Variants in DLG2 observed in about 807,000 individuals in gnomAD.
DLG2 encodes the protein discs large MAGUK scaffold protein 2, also known as disks large homolog 2.
Under a neutral mutation model 132.5 loss-of-function variants are expected in DLG2, and 45 were observed. The observed-to-expected ratio is 0.34, with a 90% CI of 0.27 to 0.44. DLG2 has a LOEUF of 0.44. Among genes scored for constraint, DLG2 ranks in the 20% least tolerant of loss-of-function variants. DLG2 has a pLI of 1.00. For synonymous variants in DLG2, 424 were observed against 419.6 expected (o/e 1.01, Z -0.13); for missense variants, 1,045 against 1,196.9 (o/e 0.87, Z 1.87).
intron 3 of DLG2, among the ~76,000 whole-genome samples, chr11:85,380,525 T>G (rs1158521826): frequency 1.3e-5 from 2 of 152,170 alleles, no homozygotes; most frequent in Non-Finnish European, 2.9e-5. Context: ...CTGGGCGTGG[T>G]GGCACATGCC....
intron 11 of DLG2, among the ~76,000 whole-genome samples, chr11:83,985,588 A>G (rs1431577808): frequency 6.6e-6 from 1 of 151,992 alleles, no homozygotes; most frequent in Non-Finnish European, 1.5e-5. Flanking sequence ...GCTCCCACTT[A>G]CAAGTGACAA....
chr11:85,037,971 T>C (rs569163121), intron 6 of DLG2, among the ~76,000 whole-genome samples: 57 of 152,214 alleles, frequency 3.7e-4, no homozygotes, highest in African/African-American at 1.3e-3. Flanking sequence ...CAAACATACA[T>C]GAAACAAAAC....
intron 3 of DLG2, among the ~76,000 whole-genome samples, chr11:85,338,906 G>A (rs947792406): frequency 6.6e-6 from 1 of 151,696 alleles, no homozygotes; most frequent in Non-Finnish European, 1.5e-5. Context: ...GGGTTTCACC[G>A]TGGTCTCAAT....
chr11:83,857,411 T>C (rs541454856), intron 16 of DLG2, among the ~76,000 whole-genome samples: 38 of 152,328 alleles, frequency 2.5e-4, no homozygotes, highest in African/African-American at 8.9e-4. Flanking sequence ...TTGGGAAGTA[T>C]TGCTGTTTTA....
chr11:84,936,308 T>C (rs1566447021), intron 6 of DLG2, among the ~76,000 whole-genome samples: 1 of 152,198 alleles, frequency 6.6e-6, no homozygotes, highest in Non-Finnish European at 1.5e-5. Context: ...CTAAAGTATT[T>C]TGTAGTCCTA....
At chr11:85,570,408 G>A (rs145407918) in intron 3 of DLG2, among the ~76,000 whole-genome samples, 7 of 152,268 alleles carry the variant, frequency 4.6e-5, no homozygotes, top group African/African-American at 1.7e-4. Context: ...GGTCCACTTG[G>A]TTTACAGTGT....
intron 6 of DLG2, among the ~76,000 whole-genome samples, chr11:84,730,337 T>G (rs1019833122): frequency 1.3e-5 from 2 of 152,036 alleles, no homozygotes; most frequent in Non-Finnish European, 2.9e-5. Context: ...AAATGCCACA[T>G]GTAAAAGTAC....
chr11:84,657,781 C>A (rs2099689979), intron 6 of DLG2, among the ~76,000 whole-genome samples: 1 of 152,190 alleles, frequency 6.6e-6, no homozygotes, highest in Admixed American at 6.6e-5. Context: ...CATTAGGCCA[C>A]ACTCAACTGC....
At chr11:85,485,639 G>A (rs1370176084) in intron 3 of DLG2, among the ~76,000 whole-genome samples, 1 of 152,180 alleles carries the variant, frequency 6.6e-6, no homozygotes, top group Non-Finnish European at 1.5e-5. Flanking sequence ...CCTGGATGCA[G>A]GGAAAGGGTA....
chr11:84,784,251 T>C (rs1176734269), intron 6 of DLG2, among the ~76,000 whole-genome samples: 1 of 132,042 alleles, frequency 7.6e-6, no homozygotes, highest in African/African-American at 2.9e-5. Flanking sequence ...TCCCGGGTGG[T>C]GGAGGTTTCA....
At chr11:85,437,086 T>C (rs1313031489) in intron 3 of DLG2, among the ~76,000 whole-genome samples, 1 of 151,848 alleles carries the variant, frequency 6.6e-6, no homozygotes, top group Admixed American at 6.6e-5. Flanking sequence ...CACTCATAAG[T>C]GGGAGTTGAA....
intron 7 of DLG2, among the ~76,000 whole-genome samples, chr11:84,458,138 T>A (rs2099070356): frequency 6.6e-6 from 1 of 150,846 alleles, no homozygotes; most frequent in South Asian, 2.1e-4. Flanking sequence ...TAAGAAATTG[T>A]ACACCATCTA....
chr11:84,278,047 GTTTT>G (rs55650627), intron 7 of DLG2, among the ~76,000 whole-genome samples: 65 of 99,604 alleles, frequency 6.5e-4, no homozygotes, highest in Middle Eastern at 6.6e-3. Flanking sequence ...GCCTGGCTAA[GTTTT>G]TTTTTTTTTT....
intron 7 of DLG2, among the ~76,000 whole-genome samples, chr11:84,429,064 T>C (rs2098976054): frequency 6.6e-6 from 1 of 152,142 alleles, no homozygotes. Flanking sequence ...AAAAAGGCAT[T>C]TGAAAAAGAA....
At chr11:85,280,146 A>G (rs1292659525) in intron 4 of DLG2, among the ~76,000 whole-genome samples, 2 of 151,944 alleles carry the variant, frequency 1.3e-5, no homozygotes, top group African/African-American at 4.8e-5. Flanking sequence ...ATTCTCCCTG[A>G]CATATAGTTT....
intron 4 of DLG2, among the ~76,000 whole-genome samples, chr11:85,182,115 A>G (rs1186962336): frequency 6.6e-6 from 1 of 151,956 alleles, no homozygotes; most frequent in Admixed American, 6.6e-5. Context: ...TTTTGTCTCT[A>G]ATGTCCTAGG....
chr11:84,974,534 T>C (rs2054587953), intron 6 of DLG2, among the ~76,000 whole-genome samples: 1 of 152,194 alleles, frequency 6.6e-6, no homozygotes, highest in Admixed American at 6.5e-5. Context: ...CAGTGAGGCC[T>C]TCAGAAGTGT....
Position 84,791,970 on chromosome 11 carries a change from C to T in DLG2, c.358-257239G>A, listed in dbSNP as rs543729833. Among the ~76,000 whole-genome samples the T allele has an allele frequency of 3.3e-5, 5 of 152,140 alleles. No homozygotes were observed. In the South Asian group the frequency reaches 1.0e-3, roughly 32 times the overall value. On this transcript the variant is annotated intron_variant, in intron 6 of 27. Transcript: ENST00000376104. ...GTAGCTAAGGAGTTCCAGTACTATG[C>T]TGAATAACAGTGATGAAAGTGAGCA...
At chr11:84,725,886 A>G (rs2062390461) in intron 6 of DLG2, among the ~76,000 whole-genome samples, 1 of 152,070 alleles carries the variant, frequency 6.6e-6, no homozygotes, top group Non-Finnish European at 1.5e-5. Context: ...TAAACCTATT[A>G]GACTCACCCA....
Sources: allele counts gnomAD v4.1 joint callset (sites outside exome capture counted in the v4.1 genomes callset), GRCh38; gene constraint gnomAD v4.1.1; transcripts MANE v1.5; gene names NCBI Gene and HGNC (gene_info 2026-07-23, HGNC 2026-07-21).